Variants in GADL1 observed in about 807,000 individuals in gnomAD.
GADL1 encodes GAD like acidic amino acid decarboxylase 1.
In GADL1, 71 loss-of-function variants were observed where a neutral mutation model predicts 69.5. The ratio of observed to expected loss-of-function variants is 1.02; its 90% confidence interval spans 0.84 to 1.25. The LOEUF is 1.25. Among genes scored for constraint, GADL1 ranks in the 50% most tolerant of loss-of-function variants. The pLI, the probability that GADL1 is intolerant of heterozygous loss-of-function variation, is 0.00. For missense variants in GADL1, 737 were observed against 631.8 expected, an observed-to-expected ratio of 1.17 and a Z score of -1.79; for synonymous variants, 254 against 214.4, an observed-to-expected ratio of 1.18 and a Z score of -1.62.
chr3:30,773,341 A>C (rs979340340), intron 14 of GADL1, among the ~76,000 whole-genome samples: 2 of 152,102 alleles, frequency 1.3e-5, no homozygotes, highest in African/African-American at 2.4e-5. Context: ...TTTTGTCTAG[A>C]TAAAGCACTC....
intron 14 of GADL1, among the ~76,000 whole-genome samples, chr3:30,739,349 G>A (rs1319158977): frequency 6.6e-6 from 1 of 152,002 alleles, no homozygotes; most frequent in Non-Finnish European, 1.5e-5. Context: ...ATCCTCCTGT[G>A]TGACTATCTA....
intron 11 of GADL1, among the ~76,000 whole-genome samples, chr3:30,810,485 A>G (rs1697329532): frequency 6.6e-6 from 1 of 152,162 alleles, no homozygotes; most frequent in Non-Finnish European, 1.5e-5. Flanking sequence ...ATATGCTCTT[A>G]AAAATTCTTA....
chr3:30,815,344 A>T (rs1362428215), intron 11 of GADL1, among the ~76,000 whole-genome samples: 2 of 152,168 alleles, frequency 1.3e-5, no homozygotes, highest in Non-Finnish European at 2.9e-5. Context: ...GTCGGTTAGG[A>T]GGAGGGCTAT....
At chr3:30,869,980 T>G (rs748494636) in intron 1 of GADL1, among the ~76,000 whole-genome samples, 3 of 151,870 alleles carry the variant, frequency 2.0e-5, no homozygotes, top group Non-Finnish European at 4.4e-5. Context: ...TTTCTCAATG[T>G]GAGAAGCAGG....
At chr3:30,878,713 G>A (rs1306073472) in intron 1 of GADL1, among the ~76,000 whole-genome samples, 2 of 151,830 alleles carry the variant, frequency 1.3e-5, no homozygotes, top group African/African-American at 4.8e-5. Flanking sequence ...ACTAGCTGAA[G>A]CAGTCAATTC....
chr3:30,758,854 T>C (rs1324234015), intron 14 of GADL1, among the ~76,000 whole-genome samples: 1 of 152,230 alleles, frequency 6.6e-6, no homozygotes, highest in Admixed American at 6.5e-5. Context: ...GTGTCGCCCT[T>C]TTGATAGTCT....
Position 30,726,665 on chromosome 3 carries a change from C to T in GADL1, c.*1577G>A, listed in dbSNP as rs530854927. Reference sequence around the variant, plus strand: ...AATGACATTGGTTAACAATGGAGTACGAAAAGGTTATTGAATGTGCTAAGT... The same window carrying T: ...AATGACATTGGTTAACAATGGAGTATGAAAAGGTTATTGAATGTGCTAAGT... On this transcript the variant is annotated 3_prime_UTR_variant, in exon 15 of 15. Coordinates refer to ENST00000282538, the MANE Select transcript of GADL1 (RefSeq NM_207359.3). The T allele has an allele frequency of 9.9e-5, 15 of 152,158 alleles. No homozygotes were observed. The South Asian group carries it at 1.2e-3, about 13-fold the overall frequency. The allele number at this position is 152,158 out of a possible 1,614,324, so 9.4% of individuals were successfully genotyped here.
intron 1 of GADL1, among the ~76,000 whole-genome samples, chr3:30,886,024 A>G (rs1264197423): frequency 6.6e-6 from 1 of 152,168 alleles, no homozygotes; most frequent in Non-Finnish European, 1.5e-5. Flanking sequence ...ACAGATTAGC[A>G]ATAAATTTGA....
chr3:30,726,624 T>C lies in GADL1; in HGVS notation c.*1618A>G, dbSNP rs770941892. 1.3e-5 allele frequency: 2 copies of C among 151,664 alleles called. No individual in the cohort carries two copies. The highest frequency in any genetic ancestry group is 2.9e-5 in the Non-Finnish European group (2 of 67,898). 9.4% of individuals were successfully genotyped at this position (151,664 alleles called of 1,614,324 possible). A position where few individuals can be genotyped will look rare whatever the true frequency, so the allele number is the denominator to read the frequency against. On this transcript the variant is annotated 3_prime_UTR_variant, in exon 15 of 15. Coordinates refer to ENST00000282538, the MANE Select transcript of GADL1 (RefSeq NM_207359.3). ...AATGAAAATAAGCAATAAAAGCAAA[T>C]AGTACTCAAAATTTAAATGACATTG...
intron 11 of GADL1, among the ~76,000 whole-genome samples, chr3:30,817,488 C>T (rs989662363): frequency 6.6e-6 from 1 of 152,154 alleles, no homozygotes; most frequent in South Asian, 2.1e-4. Context: ...TTTTTAAGTG[C>T]AGGGGCCCTA....
chr3:30,726,524 G>C lies in GADL1; in HGVS notation c.*1718C>G, dbSNP rs545992872. On this transcript the variant is annotated 3_prime_UTR_variant, in exon 15 of 15. Coordinates refer to ENST00000282538, the MANE Select transcript of GADL1 (RefSeq NM_207359.3). ...ACACACACACCAATAGGTTTCACCT[G>C]AGAATTTGAAGTAATTCAGAGACAG... is the stretch of plus-strand genomic sequence containing the variant. The C allele has an allele frequency of 1.5e-4, 22 of 151,680 alleles. No individual in the cohort carries two copies. Among genetic ancestry groups the C allele is most frequent in the African/African-American group, 5.3e-4 (22 of 41,300 alleles). The allele number at this position is 151,680 out of a possible 1,614,324, so 9.4% of individuals were successfully genotyped here. A position where few individuals can be genotyped will look rare whatever the true frequency, so the allele number is the denominator to read the frequency against.
chr3:30,846,822 C>T (rs1698066302), intron 6 of GADL1, among the ~76,000 whole-genome samples: 2 of 152,134 alleles, frequency 1.3e-5, no homozygotes, highest in African/African-American at 4.8e-5. Flanking sequence ...CCCATCGCAA[C>T]TCAACCTCAG....
chr3:30,762,267 T>A (rs1185862318), intron 14 of GADL1, among the ~76,000 whole-genome samples: 1 of 152,168 alleles, frequency 6.6e-6, no homozygotes, highest in Non-Finnish European at 1.5e-5. Context: ...ATGGCAGTAA[T>A]CTAGGTGAGA....
At chr3:30,783,276 AG>A (rs1696709299) in intron 13 of GADL1, among the ~76,000 whole-genome samples, 1 of 152,364 alleles carries the variant, frequency 6.6e-6, no homozygotes, top group Non-Finnish European at 1.5e-5. Context: ...GTGAATTGAC[AG>A]TGTAAGAATG....
chr3:30,888,811 AT>A (rs2125547633), intron 1 of GADL1, among the ~76,000 whole-genome samples: 1 of 152,162 alleles, frequency 6.6e-6, no homozygotes, highest in South Asian at 2.1e-4. Context: ...ATGAAAAGTA[AT>A]GTGGCTGGTG....
intron 6 of GADL1, among the ~76,000 whole-genome samples, chr3:30,849,300 T>C (rs1698107921): frequency 6.6e-6 from 1 of 152,180 alleles, no homozygotes; most frequent in South Asian, 2.1e-4. Context: ...TATAGAATGA[T>C]AACTCTATAT....
At chr3:30,790,243 A>G in intron 12 of GADL1, among the ~76,000 whole-genome samples, 1 of 152,196 alleles carries the variant, frequency 6.6e-6, no homozygotes, top group Middle Eastern at 3.2e-3. Context: ...GGGAATGGCC[A>G]GTTGGACAGC....
chr3:30,834,289 G>A lies in GADL1; in HGVS notation c.904-8C>T, dbSNP rs1697838087. On this transcript the variant is annotated splice_polypyrimidine_tract_variant and splice_region_variant and intron_variant, in intron 9 of 14. Coordinates refer to ENST00000282538, the MANE Select transcript of GADL1 (RefSeq NM_207359.3). Reference sequence around the variant, plus strand: ...TGAGCCACCCCAAGAAGCCTGTTGAGATATTTACAGTACCAGAACAATGTT... The same window carrying A: ...TGAGCCACCCCAAGAAGCCTGTTGAAATATTTACAGTACCAGAACAATGTT... 1 of 1,609,416 alleles carries A rather than the reference G, an allele frequency of 6.2e-7. No individual in the cohort carries two copies. Among genetic ancestry groups the A allele is most frequent in the Non-Finnish European group, 8.5e-7 (1 of 1,176,176 alleles).
At chr3:30,774,580 A>C (rs528869266) in intron 14 of GADL1, among the ~76,000 whole-genome samples, 9 of 139,152 alleles carry the variant, frequency 6.5e-5, no homozygotes, top group African/African-American at 3.0e-4. Context: ...TATATGCAAG[A>C]ATCTTATCAC....
Sources: allele counts gnomAD v4.1 joint callset (sites outside exome capture counted in the v4.1 genomes callset), GRCh38; gene constraint gnomAD v4.1.1; transcripts MANE v1.5; gene names NCBI Gene and HGNC (gene_info 2026-07-23, HGNC 2026-07-21).